The following TSR1 variants were observed in gnomAD, a reference collection of about 807,000 sequenced individuals.
TSR1 encodes TSR1 ribosome maturation factor.
TSR1 carries 81 observed loss-of-function variants against 90.9 expected under a neutral mutation model. That is an observed-to-expected ratio of 0.89 (90% confidence interval 0.74 to 1.07). The LOEUF is 1.07. Among genes scored for constraint, TSR1 ranks in the 50% least tolerant of loss-of-function variants. TSR1 has a pLI of 0.00. For synonymous variants in TSR1, 362 were observed against 348.8 expected (o/e 1.04, Z -0.42); for missense variants, 989 against 987.3 (o/e 1.00, Z -0.02).
chr17:2,329,223 T>C (rs886536368), intron 11 of TSR1, 120 bp downstream of exon 11: 1 of 1,470,430 alleles, frequency 6.8e-7, no homozygotes, highest in African/African-American at 1.4e-5. Context: ...GCCAGAGTAC[T>C]GAAAATACCT....
At position 2,334,617 on chromosome 17, in the gene TSR1, C is replaced by T. The variant is rs762491285; in HGVS notation, c.836G>A (p.Arg279Gln). ...CCTATTGACATTCAGAGTCTGCCCTCGAACATAGCCTGAAATTTTCAAGGT... is the reference window on the plus strand; with the variant it reads ...CCTATTGACATTCAGAGTCTGCCCTTGAACATAGCCTGAAATTTTCAAGGT... The part of the protein sequence containing the change: ...VGTLKISGYV[R>Q]GQTLNVNRLL... Residue 279 changes from arginine to glutamine, a missense_variant, in exon 5 of 15, where the codon CGA becomes CAA. Transcript: ENST00000301364. 13 of 1,613,924 alleles carry T rather than the reference C, an allele frequency of 8.1e-6. No individual in the cohort carries two copies. Among genetic ancestry groups the T allele is most frequent in the Admixed American group, 5.0e-5 (3 of 60,004 alleles).
At position 2,333,094 on chromosome 17, in the gene TSR1, T is replaced by C; in HGVS notation, c.1172A>G (p.Lys391Arg). The C allele has an allele frequency of 1.2e-6, 2 of 1,614,112 alleles. No individual in the cohort carries two copies. Among genetic ancestry groups the C allele is most frequent in the Non-Finnish European group, 1.7e-6 (2 of 1,179,998 alleles). Residue 391 changes from lysine (K) to arginine (R), a missense_variant, in exon 7 of 15, where the codon AAG (lysine) becomes AGG (arginine). Coordinates refer to ENST00000301364, the MANE Select transcript of TSR1 (RefSeq NM_018128.5). ...DFLKESSKVV[K>R]KVPKGTSSYQ... ...ACTGGATGTTCCTTTGGGGACCTTC[T>C]TTACCACCTTAGAACTTTCCTTCAA...
intron 11 of TSR1, among the ~76,000 whole-genome samples, chr17:2,327,943 C>G (rs1326762204): frequency 6.6e-6 from 1 of 151,676 alleles, no homozygotes; most frequent in African/African-American, 2.4e-5. Flanking sequence ...AAATCAAAAC[C>G]ATTTTGAAAC....
Position 2,330,611 on chromosome 17 carries a change from G to T in TSR1, c.1674C>A (p.Val558=), listed in dbSNP as rs745711303. 4.3e-6 allele frequency: 7 copies of T among 1,613,556 alleles called. No homozygotes were observed. Among genetic ancestry groups the T allele is most frequent in the South Asian group, 1.1e-5 (1 of 91,026 alleles). ...EVEGAEVGWY[V]TLHVSEVPVS... The stretch of plus-strand genomic sequence containing the variant: ...CGGGGACTTCAGAGACATGAAGTGT[G>T]ACATACCAGCCAACCTGCCACAAGA... Residue 558 remains valine (V), a synonymous_variant, in exon 10 of 15, where the codon GTC becomes GTA. Coordinates refer to ENST00000301364, the MANE Select transcript of TSR1 (RefSeq NM_018128.5).
Position 2,323,726 on chromosome 17 carries a change from T to TG in TSR1, c.*469dup. The TG allele has an allele frequency of 1.2e-6, 2 of 1,614,022 alleles. No homozygotes were observed. Among genetic ancestry groups the TG allele is most frequent in the South Asian group, 2.2e-5 (2 of 91,088 alleles). ...CTACAGCTGGTGTTGGAGTGGCTGC[T>TG]GTGCTGTCTCAACATTTTCAAACTG... On this transcript the variant is annotated 3_prime_UTR_variant, in exon 15 of 15. Coordinates refer to ENST00000301364, the MANE Select transcript of TSR1 (RefSeq NM_018128.5).
Position 2,323,909 on chromosome 17 carries a change from T to G in TSR1, c.*287A>C. 6.4e-7 allele frequency: 1 copy of G among 1,555,276 alleles called. No homozygotes were observed. Among genetic ancestry groups the G allele is most frequent in the Non-Finnish European group, 8.9e-7 (1 of 1,129,308 alleles). ...AGGAAATGGTGGGAATTCAGTGTCT[T>G]TAGATACTGAAGACATTTTGTTTCC... On this transcript the variant is annotated 3_prime_UTR_variant, in exon 15 of 15. Coordinates refer to ENST00000301364, the MANE Select transcript of TSR1 (RefSeq NM_018128.5).
rs775832291 is a variant in TSR1, at chr17:2,329,250, A to G, written c.1903+93T>C. ...AAAATACCTCTAACCCAGAGATGTA[A>G]GATTTTGAAACCATATATTTTGGCA... On this transcript the variant is annotated intron_variant, in intron 11 of 14. Coordinates refer to ENST00000301364, the MANE Select transcript of TSR1 (RefSeq NM_018128.5). 4 of 1,574,794 alleles carry G rather than the reference A, an allele frequency of 2.5e-6. No individual in the cohort carries two copies. The Admixed American group carries it at 6.7e-5, about 26-fold the overall frequency.
intron 5 of TSR1, among the ~76,000 whole-genome samples, chr17:2,333,989 A>G (rs1225354670): frequency 1.3e-5 from 2 of 152,158 alleles, no homozygotes; most frequent in Non-Finnish European, 2.9e-5. Context: ...CAAGGTTCAC[A>G]TAAACCCTTT....
At position 2,323,162 on chromosome 17, in the gene TSR1, T is replaced by G. The variant is rs990464066; in HGVS notation, c.*1034A>C. The stretch of plus-strand genomic sequence containing the variant: ...CTCTGAAACCTAGTGTGAAGGTATA[T>G]GCTGCTGAACCCTCAAATGCAGATG... On this transcript the variant is annotated 3_prime_UTR_variant, in exon 15 of 15. Coordinates refer to ENST00000301364, the MANE Select transcript of TSR1 (RefSeq NM_018128.5). The G allele has an allele frequency of 5.6e-6, 9 of 1,614,108 alleles. No homozygotes were observed. Among genetic ancestry groups the G allele is most frequent in the Non-Finnish European group, 7.6e-6 (9 of 1,180,054 alleles).
chr17:2,327,301 G>A (rs2075581207), intron 11 of TSR1, among the ~76,000 whole-genome samples: 1 of 150,328 alleles, frequency 6.7e-6, no homozygotes, highest in African/African-American at 2.5e-5. Context: ...CCTATGGTCC[G>A]AGCTACTTGG....
rs1460661629 is a variant in TSR1, at chr17:2,324,000, GT to G, written c.*195del. 76 of 1,148,790 alleles carry G rather than the reference GT, an allele frequency of 6.6e-5. No individual in the cohort carries two copies. The highest frequency in any genetic ancestry group is 7.5e-5 in the Non-Finnish European group (62 of 821,820). 71.2% of individuals were successfully genotyped at this position (1,148,790 alleles called of 1,614,324 possible). ...GTGGCTATTTCATTAAGATTTAATA[GT>G]TTTTTTTGGACTAAGTAGTGGAAAA... On this transcript the variant is annotated 3_prime_UTR_variant, in exon 15 of 15. Transcript: ENST00000301364.
intron 6 of TSR1, 77 bp downstream of exon 6, chr17:2,333,480 G>A: frequency 1.9e-6 from 3 of 1,577,074 alleles, no homozygotes; most frequent in South Asian, 1.1e-5. Flanking sequence ...TATCCTATAG[G>A]GCCCTCACTT....
Position 2,334,978 on chromosome 17 carries a change from G to A in TSR1, c.557-82C>T, listed in dbSNP as rs549447507. 5.6e-6 allele frequency: 8 copies of A among 1,434,750 alleles called. No homozygotes were observed. The Admixed American group carries it at 1.5e-4, about 26-fold the overall frequency. 88.9% of individuals were successfully genotyped at this position (1,434,750 alleles called of 1,614,324 possible). ...TCTGCAGTTCACAAACAACCTAATA[G>A]CTCAGTTGCAAGCCCAGAGATCACT... On this transcript the variant is annotated intron_variant, in intron 4 of 14. Transcript: ENST00000301364.
rs189839451 is a variant in TSR1, at chr17:2,331,869, T to G, written c.1496+300A>C. 4.2e-4 allele frequency among the ~76,000 whole-genome samples: 64 copies of G among 152,262 alleles called. 1 individual carries two copies. The East Asian group carries it at 6.0e-3, about 14-fold the overall frequency. Reference sequence around the variant, plus strand: ...CTATTCTACCCAAACCCCCTAAAATTTCCAAACATTATATACTTCAATTGA... The same window carrying G: ...CTATTCTACCCAAACCCCCTAAAATGTCCAAACATTATATACTTCAATTGA... On this transcript the variant is annotated intron_variant, in intron 8 of 14. Coordinates refer to ENST00000301364, the MANE Select transcript of TSR1 (RefSeq NM_018128.5).
rs750168193 is a variant in TSR1, at chr17:2,324,352, G to C, written c.2259C>G (p.Cys753Trp). The change falls in exon 15 of 15, where the codon TGC becomes TGG. Residue 753 changes from cysteine to tryptophan, a missense_variant. Physicochemically the swap from Cys to Trp is radical, Grantham distance 215. Coordinates refer to ENST00000301364, the MANE Select transcript of TSR1 (RefSeq NM_018128.5). Reference protein sequence around the residue: ...EPLGTHGHMKCSFDGKLKSQD... With the variant: ...EPLGTHGHMKWSFDGKLKSQD... ...GAGATTTTAGCTTCCCATCAAAGCTGCATTTCATGTGGCCATGGGTACCTA... is the reference window on the plus strand; with the variant it reads ...GAGATTTTAGCTTCCCATCAAAGCTCCATTTCATGTGGCCATGGGTACCTA... 7 of 1,564,712 alleles carry C rather than the reference G, an allele frequency of 4.5e-6. No individual in the cohort carries two copies. Among genetic ancestry groups the C allele is most frequent in the Non-Finnish European group, 6.0e-6 (7 of 1,159,010 alleles).
intron 11 of TSR1, among the ~76,000 whole-genome samples, chr17:2,327,544 A>C (rs1055596277): frequency 2.0e-5 from 3 of 152,236 alleles, no homozygotes; most frequent in African/African-American, 7.2e-5. Flanking sequence ...CCTTTACAAA[A>C]TAAGCAAAGA....
In TSR1 at chr17:2,333,667, AG is replaced by A; in HGVS notation, c.1030del (p.Leu344Ter). The stretch of plus-strand genomic sequence containing the variant: ...CTGTCTACCAGGGTCTGCCTTCATT[AG>A]GACTTTAAGACCTTCTTCCATATCA... ...VDDMEEGLKV[L>X]MKADPGRQES... On this transcript the variant is annotated frameshift_variant, in exon 6 of 15. Transcript: ENST00000301364. LOFTEE classifies it high-confidence loss of function. 6.2e-7 allele frequency: 1 copy of A among 1,614,174 alleles called. No individual in the cohort carries two copies.
Position 2,324,200 on chromosome 17 carries a change from T to G in TSR1, c.2411A>C (p.Glu804Ala). ...ISSTVPQGGM[E>A] ...GACAGAATCTCTTTGAATCCATTAC[T>G]CCATGCCCCCTTGAGGCACTGTTGA... The change falls in exon 15 of 15, where the codon GAG (glutamate) becomes GCG (alanine). Residue 804 changes from glutamate (E) to alanine (A), a missense_variant. Coordinates refer to ENST00000301364, the MANE Select transcript of TSR1 (RefSeq NM_018128.5). The G allele has an allele frequency of 1.3e-6, 2 of 1,520,464 alleles. No homozygotes were observed. Among genetic ancestry groups the G allele is most frequent in the Non-Finnish European group, 1.8e-6 (2 of 1,138,920 alleles). 94.2% of individuals were successfully genotyped at this position (1,520,464 alleles called of 1,614,324 possible).
intron 7 of TSR1, 49 bp from the exon 8 acceptor site, chr17:2,332,408 T>C (rs1262085744): frequency 2.6e-5 from 39 of 1,490,490 alleles, no homozygotes; most frequent in Non-Finnish European, 3.3e-5. Flanking sequence ...CACCTGTCTC[T>C]ACCCCAAAGG....
Sources: allele counts gnomAD v4.1 joint callset (sites outside exome capture counted in the v4.1 genomes callset), GRCh38; gene constraint gnomAD v4.1.1; transcripts MANE v1.5; gene names NCBI Gene and HGNC (gene_info 2026-07-23, HGNC 2026-07-21).